DCAF6: variants seen among roughly 807,000 people sequenced by gnomAD.
DCAF6 encodes the protein DDB1- and CUL4-associated factor 6.
A neutral mutation model predicts 125.1 loss-of-function variants in DCAF6; 54 were observed. The ratio of observed to expected loss-of-function variants is 0.43; its 90% CI spans 0.35 to 0.54. The LOEUF is 0.54. Among genes scored for constraint, DCAF6 ranks in the 20% least tolerant of loss-of-function variants. DCAF6 has a pLI of 0.01. For synonymous variants in DCAF6, 371 were observed against 390.4 expected (o/e 0.95, Z 0.58); for missense variants, 934 against 1,161.7 (o/e 0.80, Z 2.85).
At chr1:167,982,762 A>G (rs1376299645) in intron 4 of DCAF6, among the ~76,000 whole-genome samples, 2 of 152,078 alleles carry the variant, frequency 1.3e-5, no homozygotes, top group Admixed American at 6.5e-5. Flanking sequence ...GGCGTTTCCT[A>G]TATTTTCTTT....
In DCAF6 at chr1:168,065,749, A is replaced by G; in HGVS notation, c.2596+3A>G. 6.2e-7 allele frequency: 1 copy of G among 1,608,726 alleles called. No homozygotes were observed. The highest frequency in any genetic ancestry group is 8.5e-7 in the Non-Finnish European group (1 of 1,177,234). ...GCAGCCACATCCGTTTGACCCAAGT[A>G]AGATATCTTTTCTAGGACGAGGGCT... is the stretch of plus-strand genomic sequence containing the variant. On this transcript the variant is annotated splice_donor_region_variant and intron_variant, in intron 19 of 21. Coordinates refer to ENST00000367840, the MANE Select transcript of DCAF6 (RefSeq NM_001198956.2).
intron 17 of DCAF6, among the ~76,000 whole-genome samples, chr1:168,061,857 A>G (rs1034061198): frequency 1.3e-4 from 20 of 152,182 alleles, no homozygotes; most frequent in African/African-American, 3.9e-4. Context: ...GAGAGTATCT[A>G]TTAAAGCAGA....
At chr1:168,059,465 T>A (rs1364600471) in intron 17 of DCAF6, among the ~76,000 whole-genome samples, 1 of 152,228 alleles carries the variant, frequency 6.6e-6, no homozygotes, top group African/African-American at 2.4e-5. Flanking sequence ...TCCTTCTCTT[T>A]ATTCATTTTT....
intron 2 of DCAF6, among the ~76,000 whole-genome samples, chr1:167,960,970 A>G (rs963215534): frequency 5.3e-5 from 8 of 152,192 alleles, no homozygotes; most frequent in Non-Finnish European, 1.0e-4. Flanking sequence ...CTTTCTATTT[A>G]TTAATATGGA....
upstream of DCAF6, among the ~76,000 whole-genome samples, chr1:167,933,739 A>ATTT (rs1670979654): frequency 6.6e-6 from 1 of 152,160 alleles, no homozygotes. Flanking sequence ...TTTATTCAAT[A>ATTT]CTCATCAGTC....
intron 4 of DCAF6, among the ~76,000 whole-genome samples, chr1:167,982,494 G>A (rs1271670251): frequency 6.6e-6 from 1 of 152,166 alleles, no homozygotes; most frequent in Non-Finnish European, 1.5e-5. Context: ...GCCTGCCTCA[G>A]CCTCCCAAAG....
In DCAF6 at chr1:167,936,752, G is replaced by A; in HGVS notation, c.-160G>A. 4 of 633,032 alleles carry A rather than the reference G, an allele frequency of 6.3e-6. No individual in the cohort carries two copies. The highest frequency in any genetic ancestry group is 1.1e-5 in the Non-Finnish European group (4 of 360,222). The allele number at this position is 633,032 out of a possible 1,614,324, so 39.2% of individuals were successfully genotyped here. On this transcript the variant is annotated 5_prime_UTR_variant, in exon 1 of 22. Coordinates refer to ENST00000367840, the MANE Select transcript of DCAF6 (RefSeq NM_001198956.2). Reference sequence around the variant, plus strand: ...GGCCCGGGTGCGGCCGGGCTTCAGGGGCCCAGGCGCCGCTGCTGCCACCGC... The same window carrying A: ...GGCCCGGGTGCGGCCGGGCTTCAGGAGCCCAGGCGCCGCTGCTGCCACCGC...
At chr1:167,987,795 T>C (rs1680226377) in intron 5 of DCAF6, among the ~76,000 whole-genome samples, 187 bp downstream of exon 5, 1 of 152,100 alleles carries the variant, frequency 6.6e-6, no homozygotes. Context: ...TAATCAGAAA[T>C]TGAAAAATGT....
intron 10 of DCAF6, among the ~76,000 whole-genome samples, chr1:168,011,977 A>AAAAG (rs143257340): frequency 9.8e-4 from 149 of 152,176 alleles, no homozygotes; most frequent in Middle Eastern, 6.8e-3. Flanking sequence ...TGTCTCAGAA[A>AAAAG]AAAGAAAGAA....
At chr1:168,036,484 C>T (rs923025658) in intron 12 of DCAF6, among the ~76,000 whole-genome samples, 7 of 152,110 alleles carry the variant, frequency 4.6e-5, no homozygotes, top group Non-Finnish European at 7.4e-5. Flanking sequence ...AAAACTAGCC[C>T]GAACTCAGTC....
At chr1:167,965,610 C>T (rs1005329480) in intron 2 of DCAF6, among the ~76,000 whole-genome samples, 7 of 152,098 alleles carry the variant, frequency 4.6e-5, no homozygotes, top group Admixed American at 3.3e-4. Context: ...ATACCCCCAC[C>T]GCATGACTGG....
At chr1:168,067,778 TG>T (rs1464474489) in intron 20 of DCAF6, among the ~76,000 whole-genome samples, 1 of 152,198 alleles carries the variant, frequency 6.6e-6, no homozygotes, top group East Asian at 1.9e-4. Context: ...TCCTTTGCCA[TG>T]TTTTTTGCTT....
chr1:167,875,100 A>T, the DCAF6 span: 2 of 1,595,058 alleles, frequency 1.3e-6, no homozygotes, highest in African/African-American at 2.7e-5. Flanking sequence ...TAGTTCAATA[A>T]AGAAGTTTAA....
At chr1:168,053,720 C>A (rs1214445533) in intron 17 of DCAF6, among the ~76,000 whole-genome samples, 1 of 152,168 alleles carries the variant, frequency 6.6e-6, no homozygotes, top group Admixed American at 6.5e-5. Flanking sequence ...CATGTAGGCA[C>A]CTCTGCCTGT....
intron 2 of DCAF6, among the ~76,000 whole-genome samples, chr1:167,955,569 T>C (rs550050981): frequency 6.6e-6 from 1 of 152,252 alleles, no homozygotes; most frequent in South Asian, 2.1e-4. Flanking sequence ...CTCATATTCA[T>C]TCAAGTAGCT....
At chr1:167,916,437 C>T in the DCAF6 span, among the ~76,000 whole-genome samples, 1 of 152,238 alleles carries the variant, frequency 6.6e-6, no homozygotes, top group African/African-American at 2.4e-5. Flanking sequence ...GAACTCCTGC[C>T]CTCAGGTGAT....
chr1:167,950,479 C>G (rs1673754519), intron 1 of DCAF6, among the ~76,000 whole-genome samples: 1 of 152,048 alleles, frequency 6.6e-6, no homozygotes, highest in African/African-American at 2.4e-5. Context: ...AAAATAAAAG[C>G]CCCCATAATT....
the DCAF6 span, chr1:167,902,013 T>C: frequency 1.2e-6 from 2 of 1,612,264 alleles, no homozygotes; most frequent in African/African-American, 1.3e-5. Flanking sequence ...TAAGCCCCCA[T>C]ACCTGCAAAT....
At chr1:167,976,656 C>G (rs1350267322) in intron 4 of DCAF6, among the ~76,000 whole-genome samples, 1 of 152,042 alleles carries the variant, frequency 6.6e-6, no homozygotes, top group Non-Finnish European at 1.5e-5. Flanking sequence ...CTACTCTTCT[C>G]TTGAATAAAG....
Sources: gnomAD v4.1 joint callset for allele counts (sites outside exome capture counted in the v4.1 genomes callset) on GRCh38, gnomAD v4.1.1 for gene constraint, MANE v1.5 for transcripts, NCBI Gene and HGNC (gene_info 2026-07-23, HGNC 2026-07-21) for gene names.